Variants in INTS11 observed in about 807,000 individuals in gnomAD.
INTS11 encodes the protein CPSF3-like protein.
In INTS11, 77 loss-of-function variants were observed where a neutral mutation model predicts 78.6. The observed-to-expected ratio is 0.98, with a 90% CI of 0.81 to 1.18. The LOEUF is 1.18. Ranked by LOEUF, INTS11 falls within the 50% of genes most tolerant of loss-of-function variation. INTS11 has a pLI of 0.00. For missense variants in INTS11, 875 were observed against 825.9 expected (o/e 1.06, Z -0.73); for synonymous variants, 441 against 326.9 (o/e 1.35, Z -3.77).
At chr1:1,320,317 G>A in intron 3 of INTS11, 139 bp downstream of exon 3, 1 of 755,644 alleles carries the variant, frequency 1.3e-6, no homozygotes, top group Admixed American at 2.1e-5. Flanking sequence ...CAGGCAGGGA[G>A]CAGATCCTGG....
chr1:1,312,871 G>C lies in INTS11; in HGVS notation c.1210C>G (p.Gln404Glu), dbSNP rs1414442406. The C allele has an allele frequency of 1.2e-6, 2 of 1,612,308 alleles. No homozygotes were observed. Among genetic ancestry groups the C allele is most frequent in the Non-Finnish European group, 1.7e-6 (2 of 1,179,894 alleles). ...DAKGIMQLVG[Q>E]AEPESVLLVH... ...AGCAGCACGCTCTCCGGCTCTGCCT[G>C]GCCCACCAGCTGCATGATGCCCTTG... is the stretch of plus-strand genomic sequence containing the variant. The change falls in exon 12 of 17, where the codon CAG becomes GAG. Residue 404 changes from glutamine (Q) to glutamate (E), a missense_variant. Transcript: ENST00000435064.
In INTS11 at chr1:1,321,041, C is replaced by T; in HGVS notation, c.81G>A (p.Lys27=). 1 of 1,613,138 alleles carries T rather than the reference C, an allele frequency of 6.2e-7. No homozygotes were observed. Among genetic ancestry groups the T allele is most frequent in the Non-Finnish European group, 8.5e-7 (1 of 1,179,922 alleles). Reference sequence around the variant, plus strand: ...GCATTCCACAGTCCAGCATGACATTCTTGCCCGCAATGGAGACCAGGATGC... The same window carrying T: ...GCATTCCACAGTCCAGCATGACATTTTTGCCCGCAATGGAGACCAGGATGC... ...RSCILVSIAG[K]NVMLDCGMHM... is the part of the protein sequence containing the mutation. The change falls in exon 2 of 17, where the codon AAG becomes AAA. Residue 27 remains lysine, a synonymous_variant. Coordinates refer to ENST00000435064, the MANE Select transcript of INTS11 (RefSeq NM_017871.6).
At position 1,314,781 on chromosome 1, in the gene INTS11, C is replaced by A; in HGVS notation, c.702+43G>T. ...GCCAAGCCTGCCAGAAAGACCAGCCCAGCATGGCCGAGGGCCCATGTCCCC... is the reference window on the plus strand; with the variant it reads ...GCCAAGCCTGCCAGAAAGACCAGCCAAGCATGGCCGAGGGCCCATGTCCCC... On this transcript the variant is annotated intron_variant, in intron 7 of 16. Transcript: ENST00000435064. This position sits in a 1 kb window ranked among gnomAD's most constrained non-coding sequence, Gnocchi z 4.2. 1 of 1,586,944 alleles carries A rather than the reference C, an allele frequency of 6.3e-7. No homozygotes were observed. Among genetic ancestry groups the A allele is most frequent in the Non-Finnish European group, 8.6e-7 (1 of 1,161,354 alleles).
In INTS11 at chr1:1,312,246, G is replaced by T. The variant is rs201688337; in HGVS notation, c.1587C>A (p.Arg529=). Residue 529 remains arginine (R), a synonymous_variant, in exon 15 of 17, where the codon CGC becomes CGA. Coordinates refer to ENST00000435064, the MANE Select transcript of INTS11 (RefSeq NM_017871.6). ...CCCACCTCTTGAGGTGGCTGTAGACGCGCAATGCCGTCTCCTGCTCCTTGC... is the reference window on the plus strand; with the variant it reads ...CCCACCTCTTGAGGTGGCTGTAGACTCGCAATGCCGTCTCCTGCTCCTTGC... ...DTRKEQETAL[R]VYSHLKSVLK... The T allele has an allele frequency of 6.5e-7, 1 of 1,534,280 alleles. No individual in the cohort carries two copies. The highest frequency in any genetic ancestry group is 2.0e-5 in the Admixed American group (1 of 50,068).
chr1:1,313,135 G>A lies in INTS11; in HGVS notation c.1042-11C>T. 1 of 1,602,654 alleles carries A rather than the reference G, an allele frequency of 6.2e-7. No homozygotes were observed. Among genetic ancestry groups the A allele is most frequent in the South Asian group, 1.1e-5 (1 of 90,550 alleles). On this transcript the variant is annotated splice_polypyrimidine_tract_variant and intron_variant, in intron 10 of 16. Transcript: ENST00000435064. The stretch of plus-strand genomic sequence containing the variant: ...GCCGGGCATGATGACCTGGGGGCAG[G>A]CACAGAGCTCACAGCCAGGGAACTC...
In INTS11 at chr1:1,311,835, T is replaced by G; in HGVS notation, c.*24A>C. 6.5e-7 allele frequency: 1 copy of G among 1,536,650 alleles called. No homozygotes were observed. Among genetic ancestry groups the G allele is most frequent in the Non-Finnish European group, 8.8e-7 (1 of 1,141,554 alleles). Reference sequence around the variant, plus strand: ...CTGTCCAGCTGGGAGAGGGCAGAGGTGGCGGCTGGGTGAGTTGCCGGCCTC... The same window carrying G: ...CTGTCCAGCTGGGAGAGGGCAGAGGGGGCGGCTGGGTGAGTTGCCGGCCTC... On this transcript the variant is annotated 3_prime_UTR_variant, in exon 17 of 17. Coordinates refer to ENST00000435064, the MANE Select transcript of INTS11 (RefSeq NM_017871.6).
In INTS11 at chr1:1,319,394, C is replaced by T. The variant is rs753629019; in HGVS notation, c.331G>A (p.Ala111Thr). 1.1e-5 allele frequency: 18 copies of T among 1,613,278 alleles called. No individual in the cohort carries two copies. Among genetic ancestry groups the T allele is most frequent in the Middle Eastern group, 3.3e-4 (2 of 6,084 alleles). The change falls in exon 4 of 17, where the codon GCC becomes ACC. Residue 111 changes from alanine (A) to threonine (T), a missense_variant. Coordinates refer to ENST00000435064, the MANE Select transcript of INTS11 (RefSeq NM_017871.6). The part of the protein sequence containing the change: ...PILLEDYRKI[A>T]VDKKGEANFF... ...TTGGCCTCGCCCTTCTTGTCTACGG[C>T]GATCTTGCGGTAGTCCTCCAGCAAG...
intron 10 of INTS11, 99 bp from the exon 11 acceptor site, chr1:1,313,223 C>T: frequency 7.3e-7 from 1 of 1,373,786 alleles, no homozygotes; most frequent in Non-Finnish European, 1.0e-6. Context: ...AAGCTGTTTC[C>T]ACCTGCCAGC....
intron 1 of INTS11, chr1:1,321,855 C>T: frequency 4.1e-6 from 5 of 1,228,940 alleles, no homozygotes; most frequent in East Asian, 3.1e-5. Flanking sequence ...ACAGACTGTG[C>T]CTGGGCAGGA....
chr1:1,315,417 C>G lies in INTS11; in HGVS notation c.550G>C (p.Asp184His), dbSNP rs763320078. 1 of 1,613,372 alleles carries G rather than the reference C, an allele frequency of 6.2e-7. No homozygotes were observed. The highest frequency in any genetic ancestry group is 2.2e-5 in the East Asian group (1 of 44,816). ...CAGCCTACTTACCCTAAGTGTCGGT[C>G]TGGGGTCATGTTATAATCACCCTGG... The part of the protein sequence containing the change: ...VYTGDYNMTP[D>H]RHLGAAWIDK... Residue 184 changes from aspartate (D) to histidine (H), a missense_variant, in exon 6 of 17, where the codon GAC becomes CAC. Asp to His is a moderately conservative substitution (Grantham distance 81). Transcript: ENST00000435064.
In INTS11 at chr1:1,313,532, A is replaced by C; in HGVS notation, c.1018T>G (p.Trp340Gly). ...ACCATGTTCTTTTCGTTTCCGGCCC[A>C]TTTCCGGAAGATCTGCAGGGACTGC... is the stretch of plus-strand genomic sequence containing the variant. Reference protein sequence around the residue: ...AGQSLQIFRKWAGNEKNMVIM... With the variant: ...AGQSLQIFRKGAGNEKNMVIM... Residue 340 changes from tryptophan to glycine, a missense_variant, in exon 10 of 17, where the codon TGG (tryptophan) becomes GGG (glycine). Transcript: ENST00000435064. The C allele has an allele frequency of 6.2e-7, 1 of 1,612,990 alleles. No homozygotes were observed. Among genetic ancestry groups the C allele is most frequent in the Non-Finnish European group, 8.5e-7 (1 of 1,180,018 alleles).
At position 1,314,914 on chromosome 1, in the gene INTS11, G is replaced by A. The variant is rs754186313; in HGVS notation, c.612C>T (p.Ser204=). 19 of 1,612,984 alleles carry A rather than the reference G, an allele frequency of 1.2e-5. No homozygotes were observed. In the African/African-American group the frequency reaches 2.3e-4, roughly 19 times the overall value. Residue 204 remains serine (S), a synonymous_variant, in exon 7 of 17, where the codon TCC becomes TCT. Transcript: ENST00000435064. This position sits in a 1 kb window ranked among gnomAD's most constrained non-coding sequence, Gnocchi z 4.2. ...AGTCACGGATGGTCGTGGCGTACGT[G>A]GACTCTGTGATGAGCAGGTTGGGGC... ...KCRPNLLITE[S]TYATTIRDSK...
Position 1,321,088 on chromosome 1 carries a change from C to T in INTS11, c.34G>A (p.Gly12Ser), listed in dbSNP as rs1642917997. Residue 12 changes from glycine to serine, a missense_variant, in exon 2 of 17, where the codon GGC becomes AGC. Physicochemically the swap from Gly to Ser is moderately conservative, Grantham distance 56 (BLOSUM62 0). Transcript: ENST00000435064. ...ATGCAGCTTCGGCCCACGTCCTGGCCGGCCCCTACTCGAGGGAGGGCAGAT... is the reference window on the plus strand; with the variant it reads ...ATGCAGCTTCGGCCCACGTCCTGGCTGGCCCCTACTCGAGGGAGGGCAGAT... Reference protein sequence around the residue: ...PEIRVTPLGAGQDVGRSCILV... With the variant: ...PEIRVTPLGASQDVGRSCILV... 5 of 1,610,346 alleles carry T rather than the reference C, an allele frequency of 3.1e-6. No individual in the cohort carries two copies. The highest frequency in any genetic ancestry group is 2.2e-5 in the South Asian group (2 of 90,904).
chr1:1,322,928 A>T, intron 1 of INTS11: 1 of 1,344,650 alleles, frequency 7.4e-7, no homozygotes, highest in Non-Finnish European at 9.6e-7. Context: ...ACCCAGGTAC[A>T]GATTGCGGGT....
rs1361260418 is a variant in INTS11, at chr1:1,314,941, G to A, written c.585C>T (p.Cys195=). Residue 195 remains cysteine (C), a synonymous_variant, in exon 7 of 17, where the codon TGC becomes TGT. Coordinates refer to ENST00000435064, the MANE Select transcript of INTS11 (RefSeq NM_017871.6). This position sits in a 1 kb window ranked among gnomAD's most constrained non-coding sequence, Gnocchi z 4.2. ...RHLGAAWIDK[C]RPNLLITEST... The stretch of plus-strand genomic sequence containing the variant: ...ACTCTGTGATGAGCAGGTTGGGGCG[G>A]CACTTGTCAATCCAGGCAGCTCTGG... 5.6e-6 allele frequency: 9 copies of A among 1,612,640 alleles called. No individual in the cohort carries two copies. In the Admixed American group the frequency reaches 6.7e-5, roughly 12 times the overall value.
rs1236675532 is a variant in INTS11, at chr1:1,312,750, C to G, written c.1294+37G>C. On this transcript the variant is annotated intron_variant, in intron 12 of 16. Coordinates refer to ENST00000435064, the MANE Select transcript of INTS11 (RefSeq NM_017871.6). The stretch of plus-strand genomic sequence containing the variant: ...CTCAGCCCAGGCTGCCCGTGCTGAC[C>G]CGAGGTGGGCCCCACGCCGCCCGCC... 2.5e-6 allele frequency: 4 copies of G among 1,595,874 alleles called. No individual in the cohort carries two copies. In the South Asian group the frequency reaches 4.5e-5, roughly 18 times the overall value.
intron 2 of INTS11, 106 bp from the exon 3 acceptor site, chr1:1,320,635 G>T: frequency 2.7e-6 from 3 of 1,126,796 alleles, no homozygotes; most frequent in Non-Finnish European, 4.1e-6. Flanking sequence ...TCTATGTGCA[G>T]ACTCAGGCTG....
chr1:1,313,012 C>CCCCTG, intron 11 of INTS11, 23 bp downstream of exon 11: 1 of 1,611,600 alleles, frequency 6.2e-7, no homozygotes, highest in Non-Finnish European at 8.5e-7. Context: ...GCCCTGCCAG[C>CCCCTG]CCAGTGCGGG....
chr1:1,320,344 G>A, intron 3 of INTS11, 112 bp downstream of exon 3: 1 of 974,798 alleles, frequency 1.0e-6, no homozygotes, highest in South Asian at 1.4e-5. Context: ...GAAGCCCCCT[G>A]AGGATCAAGG....
Sources: gnomAD v4.1 joint callset for allele counts on GRCh38, gnomAD v4.1.1 for gene constraint, Gnocchi (gnomAD v3.1) non-coding constraint, MANE v1.5 for transcripts, NCBI Gene and HGNC (gene_info 2026-07-23, HGNC 2026-07-21) for gene names.